The following MCTP1 variants were observed in gnomAD, a reference collection of about 807,000 sequenced individuals.
The protein encoded by MCTP1 is multiple C2 and transmembrane domain containing 1.
In MCTP1, 69 loss-of-function variants were observed where a neutral mutation model predicts 120.6. The observed-to-expected ratio is 0.57, with a 90% CI of 0.47 to 0.70. The LOEUF (loss-of-function observed/expected upper bound fraction) is 0.70, where lower values mean the gene tolerates loss of function less well. Ranked by LOEUF, MCTP1 falls within the 30% of genes least tolerant of loss-of-function variation. The probability of loss-of-function intolerance (pLI) is 0.00; values close to 1 mark genes in which losing one functional copy is unlikely to be tolerated. For missense variants in MCTP1, 1,203 were observed against 1,248.8 expected (o/e 0.96, Z 0.55); for synonymous variants, 529 against 493.1 (o/e 1.07, Z -0.96).
intron 1 of MCTP1, among the ~76,000 whole-genome samples, chr5:95,046,635 G>A (rs1181524731): frequency 6.6e-6 from 1 of 152,108 alleles, no homozygotes; most frequent in Non-Finnish European, 1.5e-5. Flanking sequence ...ATAATTAAGA[G>A]TTCGCCAGAC....
At chr5:95,246,248 G>A (rs906095232) in intron 1 of MCTP1, among the ~76,000 whole-genome samples, 51 of 152,112 alleles carry the variant, frequency 3.4e-4, no homozygotes, top group African/African-American at 1.1e-3. Flanking sequence ...GACCATTGAC[G>A]CTATGAAGAA....
intron 1 of MCTP1, among the ~76,000 whole-genome samples, chr5:95,035,396 A>T (rs1375576963): frequency 6.6e-6 from 1 of 152,076 alleles, no homozygotes; most frequent in Non-Finnish European, 1.5e-5. Flanking sequence ...CCATAAAAAG[A>T]ATGAAACCAT....
At chr5:94,865,283 T>C (rs78437927) in intron 17 of MCTP1, among the ~76,000 whole-genome samples, 122 of 152,036 alleles carry the variant, frequency 8.0e-4, no homozygotes, top group African/African-American at 2.8e-3. Flanking sequence ...AAAAAGATTG[T>C]TTTTTACTTT....
chr5:94,878,875 G>A (rs550897904), intron 12 of MCTP1, among the ~76,000 whole-genome samples: 39 of 152,186 alleles, frequency 2.6e-4, no homozygotes, highest in African/African-American at 8.9e-4. Context: ...AAGGGGTTTG[G>A]AGAGGGTAGA....
chr5:94,947,296 A>G (rs968831522), intron 3 of MCTP1, among the ~76,000 whole-genome samples: 14 of 151,806 alleles, frequency 9.2e-5, no homozygotes, highest in African/African-American at 2.9e-4. Flanking sequence ...TGGCCCTTCC[A>G]TGTCTACCCT....
intron 1 of MCTP1, among the ~76,000 whole-genome samples, chr5:95,222,843 T>C (rs1582581362): frequency 2.6e-5 from 4 of 152,354 alleles, no homozygotes; most frequent in African/African-American, 7.2e-5. Context: ...ACATAGACTG[T>C]GCTTCATATA....
intron 1 of MCTP1, among the ~76,000 whole-genome samples, chr5:95,272,872 A>C (rs994602833): frequency 1.3e-5 from 2 of 152,194 alleles, no homozygotes; most frequent in African/African-American, 4.8e-5. Context: ...TTTTTTTTCC[A>C]CTTGAAATGC....
At chr5:94,807,252 A>G (rs1380974147) in intron 17 of MCTP1, among the ~76,000 whole-genome samples, 1 of 152,210 alleles carries the variant, frequency 6.6e-6, no homozygotes, top group Admixed American at 6.5e-5. Context: ...GATAACAAAT[A>G]CACAGGATAT....
intron 18 of MCTP1, among the ~76,000 whole-genome samples, chr5:94,780,540 G>A (rs1161298464): frequency 6.6e-6 from 1 of 152,126 alleles, no homozygotes; most frequent in Non-Finnish European, 1.5e-5. Flanking sequence ...TCTGTTAAAT[G>A]GTAGAATTTT....
chr5:95,181,854 C>T (rs1017925385), intron 1 of MCTP1, among the ~76,000 whole-genome samples: 7 of 152,130 alleles, frequency 4.6e-5, no homozygotes, highest in African/African-American at 1.4e-4. Flanking sequence ...TTTCACCATC[C>T]GTTAGTGATT....
chr5:95,273,036 A>C (rs1350766931), intron 1 of MCTP1, among the ~76,000 whole-genome samples: 1 of 152,244 alleles, frequency 6.6e-6, no homozygotes, highest in Non-Finnish European at 1.5e-5. Context: ...GTCTGCTCTC[A>C]GCTAGAGACA....
chr5:95,166,442 C>G (rs1007694443), intron 1 of MCTP1, among the ~76,000 whole-genome samples: 6 of 152,142 alleles, frequency 3.9e-5, no homozygotes, highest in Non-Finnish European at 5.9e-5. Context: ...ATCTCACTGT[C>G]ACTTAGCTAG....
chr5:94,723,135 C>T (rs1761291580), intron 19 of MCTP1, among the ~76,000 whole-genome samples: 1 of 152,100 alleles, frequency 6.6e-6, no homozygotes, highest in African/African-American at 2.4e-5. Context: ...ATTCAGAGTC[C>T]CTTGGCTACT....
chr5:94,888,532 G>C (rs930103327), intron 12 of MCTP1, among the ~76,000 whole-genome samples: 1 of 152,202 alleles, frequency 6.6e-6, no homozygotes, highest in African/African-American at 2.4e-5. Flanking sequence ...TGAATTATAA[G>C]TGTTGATGCT....
At position 94,814,482 on chromosome 5, in the gene MCTP1, C is replaced by A. The variant is rs551723682; in HGVS notation, c.2437-15350G>T. 3.5e-3 allele frequency among the ~76,000 whole-genome samples: 539 copies of A among 152,256 alleles called. 1 individual carries two copies. The highest frequency in any genetic ancestry group is 3.9e-3 in the South Asian group (19 of 4,820). ...ACTATAAAATAGCTAAAGCAAATATCAACATCAATCTTTGCTAATTATAAC... is the reference window on the plus strand; with the variant it reads ...ACTATAAAATAGCTAAAGCAAATATAAACATCAATCTTTGCTAATTATAAC... On this transcript the variant is annotated intron_variant, in intron 17 of 22. Coordinates refer to ENST00000515393, the MANE Select transcript of MCTP1 (RefSeq NM_024717.7).
chr5:95,017,816 T>C (rs571877681), intron 1 of MCTP1, among the ~76,000 whole-genome samples: 14 of 152,092 alleles, frequency 9.2e-5, no homozygotes, highest in Non-Finnish European at 1.9e-4. Flanking sequence ...AGTGAAAACA[T>C]AATCAATGAT....
chr5:94,725,602 A>C (rs922709781), intron 19 of MCTP1, among the ~76,000 whole-genome samples: 1 of 152,228 alleles, frequency 6.6e-6, no homozygotes, highest in African/African-American at 2.4e-5. Flanking sequence ...TCAAATGCAG[A>C]GCTGAGAAGG....
At chr5:95,084,170 G>A (rs972598479) in intron 1 of MCTP1, among the ~76,000 whole-genome samples, 5 of 152,102 alleles carry the variant, frequency 3.3e-5, no homozygotes, top group African/African-American at 1.2e-4. Flanking sequence ...ATTACCTCCT[G>A]CATAAATCTT....
intron 1 of MCTP1, among the ~76,000 whole-genome samples, chr5:95,073,155 C>T (rs944620464): frequency 6.6e-6 from 1 of 152,188 alleles, no homozygotes; most frequent in Admixed American, 6.5e-5. Context: ...AGCAGCCCAG[C>T]TATCCTGAAC....
Sources: allele counts gnomAD v4.1 joint callset (sites outside exome capture counted in the v4.1 genomes callset), GRCh38; gene constraint gnomAD v4.1.1; transcripts MANE v1.5; gene names NCBI Gene and HGNC (gene_info 2026-07-23, HGNC 2026-07-21).